Variants in NRXN3 observed in about 807,000 individuals in gnomAD.
The protein encoded by NRXN3 is neurexin III.
Under a neutral mutation model 137.6 loss-of-function variants are expected in NRXN3, and 32 were observed. The ratio of observed to expected loss-of-function variants is 0.23; its 90% confidence interval spans 0.18 to 0.31. The LOEUF (loss-of-function observed/expected upper bound fraction) is 0.31. Among genes scored for constraint, NRXN3 ranks in the 10% least tolerant of loss-of-function variants. NRXN3 has a pLI of 1.00. For missense variants in NRXN3, 1,574 were observed against 2,062.5 expected, an observed-to-expected ratio of 0.76 and a Z score of 4.59; for synonymous variants, 798 against 784.5, an observed-to-expected ratio of 1.02 and a Z score of -0.29.
chr14:78,871,257 T>C (rs1334995513), intron 10 of NRXN3, among the ~76,000 whole-genome samples: 1 of 151,746 alleles, frequency 6.6e-6, no homozygotes, highest in Non-Finnish European at 1.5e-5. Flanking sequence ...CCATTTTAAC[T>C]GGGGTGAGAT....
intron 1 of NRXN3, among the ~76,000 whole-genome samples, chr14:78,195,913 T>C (rs1595807255): frequency 1.3e-5 from 2 of 152,318 alleles, no homozygotes; most frequent in East Asian, 3.9e-4. Context: ...TCCTCAGACC[T>C]ATTTTACAGA....
At chr14:79,799,280 A>G (rs2099169851) in intron 19 of NRXN3, among the ~76,000 whole-genome samples, 1 of 152,198 alleles carries the variant, frequency 6.6e-6, no homozygotes, top group African/African-American at 2.4e-5. Flanking sequence ...TGTTTTAAAT[A>G]TAGGACTTGG....
chr14:79,449,396 G>A (rs1278184494), intron 15 of NRXN3, among the ~76,000 whole-genome samples: 1 of 152,000 alleles, frequency 6.6e-6, no homozygotes, highest in East Asian at 1.9e-4. Flanking sequence ...ACTTCAGTTT[G>A]CTTATTTTCC....
At chr14:79,355,256 A>C (rs10150867) in intron 15 of NRXN3, among the ~76,000 whole-genome samples, 4,978 of 139,894 alleles carry the variant, frequency 0.036, 227 homozygotes, top group African/African-American at 0.11. Flanking sequence ...TCTGTCCCCC[A>C]CCCCCTTCCT....
intron 15 of NRXN3, among the ~76,000 whole-genome samples, chr14:79,384,356 G>T (rs962924054): frequency 6.6e-5 from 10 of 152,212 alleles, no homozygotes; most frequent in Admixed American, 2.0e-4. Context: ...ATGGAAACGT[G>T]GGAAAAGGAG....
At chr14:79,212,203 A>G (rs938502171) in intron 15 of NRXN3, among the ~76,000 whole-genome samples, 1 of 152,184 alleles carries the variant, frequency 6.6e-6, no homozygotes, top group Non-Finnish European at 1.5e-5. Flanking sequence ...CTGCGGCTTT[A>G]GTTGCCAAAG....
chr14:79,128,802 G>C (rs1160612228), intron 15 of NRXN3, among the ~76,000 whole-genome samples: 1 of 151,754 alleles, frequency 6.6e-6, no homozygotes. Flanking sequence ...GAATCCATCT[G>C]GTCCTGGACT....
At chr14:79,653,140 A>T (rs905394019) in intron 16 of NRXN3, among the ~76,000 whole-genome samples, 2 of 152,162 alleles carry the variant, frequency 1.3e-5, no homozygotes, top group Non-Finnish European at 2.9e-5. Context: ...AGGAAAGGAA[A>T]AATGAGCCCT....
At chr14:79,632,042 C>T (rs1057512522) in intron 16 of NRXN3, among the ~76,000 whole-genome samples, 5 of 152,106 alleles carry the variant, frequency 3.3e-5, no homozygotes, top group Non-Finnish European at 5.9e-5. Flanking sequence ...CCTGGTGGGT[C>T]TCCTTCCACA....
At chr14:79,417,917 A>G (rs2095519953) in intron 15 of NRXN3, among the ~76,000 whole-genome samples, 1 of 151,940 alleles carries the variant, frequency 6.6e-6, no homozygotes, top group Non-Finnish European at 1.5e-5. Flanking sequence ...GACTTTATTA[A>G]CAAAGGTAGG....
chr14:78,383,131 CAG>C (rs2089417836), intron 4 of NRXN3, among the ~76,000 whole-genome samples: 7 of 152,152 alleles, frequency 4.6e-5, no homozygotes, highest in Admixed American at 3.3e-4. Context: ...ACAAGTGAAT[CAG>C]GGGCTGGGCT....
intron 2 of NRXN3, among the ~76,000 whole-genome samples, chr14:78,265,264 G>A (rs2071505328): frequency 6.6e-6 from 1 of 151,842 alleles, no homozygotes; most frequent in African/African-American, 2.4e-5. Flanking sequence ...TGTGTAGAGA[G>A]GAATGAACTA....
chr14:79,723,837 A>G (rs1189637278), intron 19 of NRXN3, among the ~76,000 whole-genome samples: 5 of 152,124 alleles, frequency 3.3e-5, no homozygotes, highest in Admixed American at 6.5e-5. Context: ...ATATGCAGCT[A>G]GAACGGCAAT....
intron 14 of NRXN3, among the ~76,000 whole-genome samples, chr14:78,982,849 A>G (rs1475869936): frequency 1.3e-5 from 2 of 152,182 alleles, no homozygotes; most frequent in Admixed American, 6.6e-5. Flanking sequence ...TGAAGAAGTA[A>G]CCCATAGATT....
At chr14:78,983,998 T>A (rs1428216144) in intron 14 of NRXN3, among the ~76,000 whole-genome samples, 1 of 149,822 alleles carries the variant, frequency 6.7e-6, no homozygotes, top group African/African-American at 2.5e-5. Context: ...CTCACTTATA[T>A]GTGGAATCTA....
intron 10 of NRXN3, among the ~76,000 whole-genome samples, chr14:78,910,685 G>T (rs2099234837): frequency 6.6e-6 from 1 of 152,058 alleles, no homozygotes; most frequent in South Asian, 2.1e-4. Flanking sequence ...ATCACCATCT[G>T]AAATTCTTCA....
intron 15 of NRXN3, among the ~76,000 whole-genome samples, chr14:79,243,481 G>A (rs919813400): frequency 1.3e-5 from 2 of 152,124 alleles, no homozygotes; most frequent in Admixed American, 6.6e-5. Context: ...TATGTGCGTT[G>A]TCATAATCCT....
chr14:78,719,726 C>T (rs1177710570), intron 8 of NRXN3, among the ~76,000 whole-genome samples: 1 of 152,148 alleles, frequency 6.6e-6, no homozygotes, highest in African/African-American at 2.4e-5. Context: ...CCTGCAATCC[C>T]AGCTACTCAG....
intron 8 of NRXN3, among the ~76,000 whole-genome samples, chr14:78,721,651 TACACTTCA>T (rs2098460308): frequency 6.6e-6 from 1 of 152,180 alleles, no homozygotes; most frequent in Non-Finnish European, 1.5e-5. Context: ...GTGTACTGAG[TACACTTCA>T]GGTCCATCAG....
Sources: gnomAD v4.1 joint callset for allele counts (sites outside exome capture counted in the v4.1 genomes callset) on GRCh38, gnomAD v4.1.1 for gene constraint, MANE v1.5 for transcripts, NCBI Gene and HGNC (gene_info 2026-07-23, HGNC 2026-07-21) for gene names.